OPRL1: variants seen among roughly 807,000 people sequenced by gnomAD.
OPRL1 encodes the protein nociceptin receptor.
A neutral mutation model predicts 15.5 loss-of-function variants in OPRL1; 5 were observed. The ratio of observed to expected loss-of-function variants is 0.32; its 90% CI spans 0.17 to 0.68. The LOEUF (loss-of-function observed/expected upper bound fraction) is 0.68. Ranked by LOEUF, OPRL1 falls within the 30% of genes least tolerant of loss-of-function variation. The pLI, the probability that OPRL1 is intolerant of heterozygous loss-of-function variation, is 0.72. For missense variants in OPRL1, 406 were observed against 515.3 expected (o/e 0.79, Z 2.05); for synonymous variants, 223 against 230.2 (o/e 0.97, Z 0.28).
rs756544710 is a variant in OPRL1, at chr20:64,097,940, GAC to G, written c.374_375del (p.Thr125SerfsTer5). 11 of 1,613,732 alleles carry G rather than the reference GAC, an allele frequency of 6.8e-6. No individual in the cohort carries two copies. The highest frequency in any genetic ancestry group is 9.3e-6 in the Non-Finnish European group (11 of 1,180,028). ...FWPFGNALCK[T>X]VIAIDYYNMF... Reference sequence around the variant, plus strand: ...GGCCGTTTGGGAATGCGCTGTGCAAGACAGTCATTGCCATTGACTACTACAAC... The same window carrying G: ...GGCCGTTTGGGAATGCGCTGTGCAAGAGTCATTGCCATTGACTACTACAAC... On this transcript the variant is annotated frameshift_variant, in exon 4 of 5. Transcript: ENST00000336866. LOFTEE classifies it high-confidence loss of function. This position sits in a 1 kb window ranked among gnomAD's most constrained non-coding sequence, Gnocchi z 4.2.
chr20:64,084,244 G>A, intron 1 of OPRL1: 1 of 1,358,712 alleles, frequency 7.4e-7, no homozygotes, highest in Non-Finnish European at 9.4e-7. Flanking sequence ...GAGGGAGGAG[G>A]GCGTCCCGTC....
rs1205389139 is a variant in OPRL1, at chr20:64,089,081, G to T, written c.-184-2885G>T. Reference sequence around the variant, plus strand: ...AGGGGTCTATGTGGGTGGGGGGCAGGTTCTGCGCAGGGGGCCTAGGCTGTT... The same window carrying T: ...AGGGGTCTATGTGGGTGGGGGGCAGTTTCTGCGCAGGGGGCCTAGGCTGTT... On this transcript the variant is annotated intron_variant, in intron 1 of 4. Coordinates refer to ENST00000336866, the MANE Select transcript of OPRL1 (RefSeq NM_182647.4). The surrounding 1 kb of genome is among the most constrained non-coding windows in gnomAD (Gnocchi z 5.5). Among the ~76,000 whole-genome samples the T allele has an allele frequency of 6.7e-6, 1 of 148,868 alleles. No homozygotes were observed. The highest frequency in any genetic ancestry group is 2.0e-4 in the East Asian group (1 of 5,040).
chr20:64,090,595 G>A lies in OPRL1; in HGVS notation c.-184-1371G>A, dbSNP rs2060109975. Among the ~76,000 whole-genome samples, 1 of 152,204 alleles carries A rather than the reference G, an allele frequency of 6.6e-6. No individual in the cohort carries two copies. The highest frequency in any genetic ancestry group is 1.5e-5 in the Non-Finnish European group (1 of 68,032). Reference sequence around the variant, plus strand: ...AGGGAGCTGGTGATTCAGCTCAGGGGTCACCCACACAGCCTTGACCTGTGA... The same window carrying A: ...AGGGAGCTGGTGATTCAGCTCAGGGATCACCCACACAGCCTTGACCTGTGA... On this transcript the variant is annotated intron_variant, in intron 1 of 4. Coordinates refer to ENST00000336866, the MANE Select transcript of OPRL1 (RefSeq NM_182647.4). The surrounding 1 kb of genome is among the most constrained non-coding windows in gnomAD (Gnocchi z 4.9).
chr20:64,095,775 T>G (rs946488493), intron 3 of OPRL1, among the ~76,000 whole-genome samples: 4 of 150,748 alleles, frequency 2.7e-5, no homozygotes. Context: ...CAACCGGAGG[T>G]GTTATGTAGG....
intron 1 of OPRL1, chr20:64,084,393 C>T (rs895086909): frequency 4.3e-5 from 55 of 1,273,676 alleles, no homozygotes; most frequent in Non-Finnish European, 5.1e-5. Flanking sequence ...GGCGCTCTCC[C>T]TCTCCCAAGC....
In OPRL1 at chr20:64,083,392, T is replaced by A. The variant is rs1569268028; in HGVS notation, c.-185+3040T>A. On this transcript the variant is annotated intron_variant, in intron 1 of 4. Coordinates refer to ENST00000336866, the MANE Select transcript of OPRL1 (RefSeq NM_182647.4). This position sits in a 1 kb window ranked among gnomAD's most constrained non-coding sequence, Gnocchi z 4.9. ...CAGCGAGCCTTCGGAGAATTATAAC[T>A]TTATGTGGGAGGCTGGGGCGCGTCG... is the stretch of plus-strand genomic sequence containing the variant. The A allele has an allele frequency of 6.2e-7, 1 of 1,611,052 alleles. No homozygotes were observed. Among genetic ancestry groups the A allele is most frequent in the Non-Finnish European group, 8.5e-7 (1 of 1,179,304 alleles).
chr20:64,095,754 T>C (rs1979042776), intron 3 of OPRL1, among the ~76,000 whole-genome samples: 1 of 151,806 alleles, frequency 6.6e-6, no homozygotes, highest in Non-Finnish European at 1.5e-5. Flanking sequence ...CCTTACAACC[T>C]CAAAGGGCCC....
Position 64,092,933 on chromosome 20 carries a change from T to C in OPRL1, c.213T>C (p.Leu71=). ...TCGGAGGGCTCCTGGGGAACTGCCT[T>C]GTCATGTACGTCATCCTCAGGTAGG... ...VCVGGLLGNC[L]VMYVILRHTK... is the part of the protein sequence containing the mutation. Residue 71 remains leucine, a synonymous_variant, in exon 3 of 5, where the codon CTT becomes CTC. Coordinates refer to ENST00000336866, the MANE Select transcript of OPRL1 (RefSeq NM_182647.4). 2 of 1,612,486 alleles carry C rather than the reference T, an allele frequency of 1.2e-6. No homozygotes were observed. Among genetic ancestry groups the C allele is most frequent in the Non-Finnish European group, 1.7e-6 (2 of 1,179,728 alleles).
intron 1 of OPRL1, chr20:64,084,249 C>T: frequency 1.5e-6 from 2 of 1,354,246 alleles, no homozygotes; most frequent in Non-Finnish European, 1.9e-6. Flanking sequence ...AGGAGGGCGT[C>T]CCGTCGGTGC....
Position 64,097,739 on chromosome 20 carries a change from C to G in OPRL1, c.234-63C>G, listed in dbSNP as rs1392510694. The G allele has an allele frequency of 2.2e-5, 32 of 1,454,122 alleles. No homozygotes were observed. Among genetic ancestry groups the G allele is most frequent in the Middle Eastern group, 1.8e-4 (1 of 5,656 alleles). 90.1% of individuals were successfully genotyped at this position (1,454,122 alleles called of 1,614,324 possible). A position where few individuals can be genotyped will look rare whatever the true frequency, so the allele number is the denominator to read the frequency against. ...GTGGTGGCCAAGAGGAGCCCCTTGCCCTTTGCTGCCTGGTCCAGCCAGCAT... is the reference window on the plus strand; with the variant it reads ...GTGGTGGCCAAGAGGAGCCCCTTGCGCTTTGCTGCCTGGTCCAGCCAGCAT... On this transcript the variant is annotated intron_variant, in intron 3 of 4. Coordinates refer to ENST00000336866, the MANE Select transcript of OPRL1 (RefSeq NM_182647.4). This position sits in a 1 kb window ranked among gnomAD's most constrained non-coding sequence, Gnocchi z 4.2.
In OPRL1 at chr20:64,098,658, GA is replaced by G. The variant is rs1326811229; in HGVS notation, c.974del (p.Asn325ThrfsTer48). On this transcript the variant is annotated frameshift_variant, in exon 5 of 5. Transcript: ENST00000336866. LOFTEE classifies it high-confidence loss of function. Reference protein sequence around the residue: ...NPILYAFLDENFKACFRKFCC... With the variant: ...NPILYAFLDEXFKACFRKFCC... ...CCATCCTCTACGCCTTCCTGGATGA[GA>G]ACTTCAAGGCCTGCTTCCGCAAGTT... The G allele has an allele frequency of 6.2e-7, 1 of 1,612,852 alleles. No individual in the cohort carries two copies. The highest frequency in any genetic ancestry group is 8.5e-7 in the Non-Finnish European group (1 of 1,179,994).
intron 1 of OPRL1, among the ~76,000 whole-genome samples, chr20:64,082,444 C>T (rs1016926984): frequency 1.3e-5 from 2 of 152,200 alleles, no homozygotes; most frequent in African/African-American, 4.8e-5. Context: ...GCTCCACCCC[C>T]TGGCCGGGGC....
rs567429918 is a variant in OPRL1, at chr20:64,089,964, G to A, written c.-184-2002G>A. Among the ~76,000 whole-genome samples the A allele has an allele frequency of 2.0e-5, 3 of 152,180 alleles. No individual in the cohort carries two copies. The highest frequency in any genetic ancestry group is 2.1e-4 in the South Asian group (1 of 4,834). On this transcript the variant is annotated intron_variant, in intron 1 of 4. Transcript: ENST00000336866. The surrounding 1 kb of genome is among the most constrained non-coding windows in gnomAD (Gnocchi z 5.5). ...CCTGCCTGGATTCCTGCCCCCTCTCGGCTCCTGAGGTCAGGGGGCTCACCC... is the reference window on the plus strand; with the variant it reads ...CCTGCCTGGATTCCTGCCCCCTCTCAGCTCCTGAGGTCAGGGGGCTCACCC...
chr20:64,100,525 G>C lies in OPRL1; in HGVS notation c.*1726G>C, dbSNP rs180973403. 1 of 152,220 alleles carries C rather than the reference G, an allele frequency of 6.6e-6. No individual in the cohort carries two copies. The highest frequency in any genetic ancestry group is 2.4e-5 in the African/African-American group (1 of 41,440). 9.4% of individuals were successfully genotyped at this position (152,220 alleles called of 1,614,324 possible). ...GTGCTGATGTAATGTGCACCTTCACGTATTTATGCATGTGGCAAGCGTTAC... is the reference window on the plus strand; with the variant it reads ...GTGCTGATGTAATGTGCACCTTCACCTATTTATGCATGTGGCAAGCGTTAC... On this transcript the variant is annotated 3_prime_UTR_variant, in exon 5 of 5. Coordinates refer to ENST00000336866, the MANE Select transcript of OPRL1 (RefSeq NM_182647.4).
intron 1 of OPRL1, among the ~76,000 whole-genome samples, chr20:64,082,575 C>A (rs4519591): frequency 2.0e-5 from 3 of 151,998 alleles, no homozygotes; most frequent in African/African-American, 4.8e-5. Context: ...TGAGTTCCTG[C>A]GGTCCCGCTT....
chr20:64,095,936 A>ATG (rs559115049), intron 3 of OPRL1, among the ~76,000 whole-genome samples: 285 of 152,112 alleles, frequency 1.9e-3, no homozygotes, highest in African/African-American at 6.7e-3. Context: ...GTGTATATGT[A>ATG]TGTGTGTGTA....
Position 64,092,855 on chromosome 20 carries a change from C to A in OPRL1, c.135C>A (p.Phe45Leu). 6.2e-7 allele frequency: 1 copy of A among 1,612,800 alleles called. No homozygotes were observed. The highest frequency in any genetic ancestry group is 8.5e-7 in the Non-Finnish European group (1 of 1,179,958). The change falls in exon 3 of 5, where the codon TTC (phenylalanine) becomes TTA (leucine). Residue 45 changes from phenylalanine to leucine, a missense_variant. Transcript: ENST00000336866. ...TGCTCAATGCCAGCCACGGCGCCTT[C>A]CTGCCCCTCGGGCTCAAGGTCACCA... ...HLLLNASHGA[F>L]LPLGLKVTIV...
intron 1 of OPRL1, chr20:64,084,365 G>C (rs1161457913): frequency 7.8e-7 from 1 of 1,281,720 alleles, no homozygotes; most frequent in African/African-American, 1.6e-5. Context: ...CGCACCCCCA[G>C]CCTCTGAGCT....
chr20:64,084,361 C>A, intron 1 of OPRL1: 1 of 1,284,376 alleles, frequency 7.8e-7, no homozygotes, highest in Non-Finnish European at 9.8e-7. Context: ...GTTCCGCACC[C>A]CCAGCCTCTG....
Sources: gnomAD v4.1 joint callset for allele counts (sites outside exome capture counted in the v4.1 genomes callset) on GRCh38, gnomAD v4.1.1 for gene constraint, Gnocchi (gnomAD v3.1) non-coding constraint, MANE v1.5 for transcripts, NCBI Gene and HGNC (gene_info 2026-07-23, HGNC 2026-07-21) for gene names.